Variants in ATF1 observed in about 807,000 individuals in gnomAD.
The protein encoded by ATF1 is cyclic AMP-dependent transcription factor ATF-1.
In ATF1, 16 loss-of-function variants were observed where a neutral mutation model predicts 34.7. The observed-to-expected ratio is 0.46, with a 90% CI of 0.31 to 0.70. The LOEUF is 0.70. Among genes scored for constraint, ATF1 ranks in the 30% least tolerant of loss-of-function variants. The probability of loss-of-function intolerance (pLI) is 0.05; values close to 1 mark genes in which losing one functional copy is unlikely to be tolerated. For missense variants in ATF1, 255 were observed against 321.6 expected (o/e 0.79, Z 1.58); for synonymous variants, 105 against 113.1 (o/e 0.93, Z 0.46).
At chr12:50,809,667 AC>A (rs1426100956) in intron 4 of ATF1, 78 bp downstream of exon 4, 2 of 1,405,204 alleles carry the variant, frequency 1.4e-6, no homozygotes, top group Admixed American at 2.1e-5. Context: ...TGTTAGGAAA[AC>A]TGTAATACTT....
intron 3 of ATF1, among the ~76,000 whole-genome samples, chr12:50,796,565 G>T (rs1458733105): frequency 6.6e-6 from 1 of 152,076 alleles, no homozygotes; most frequent in Admixed American, 6.6e-5. Flanking sequence ...GCCGGGTGTG[G>T]TAGTGCACAC....
At chr12:50,776,174 T>C (rs1246823233) in intron 1 of ATF1, among the ~76,000 whole-genome samples, 1 of 151,244 alleles carries the variant, frequency 6.6e-6, no homozygotes, top group Non-Finnish European at 1.5e-5. Flanking sequence ...TAGCTGGGCA[T>C]GGTGGCGGGC....
chr12:50,794,869 T>A (rs1941379729), intron 2 of ATF1, among the ~76,000 whole-genome samples: 1 of 151,546 alleles, frequency 6.6e-6, no homozygotes, highest in Admixed American at 6.6e-5. Flanking sequence ...CAGTGAGCTG[T>A]CATTGCACCA....
At chr12:50,764,086 GT>G (rs1341513385), upstream of ATF1, 2 of 148,584 alleles carry the variant, frequency 1.3e-5, no homozygotes, top group African/African-American at 5.0e-5. Flanking sequence ...CCAGGCTTGT[GT>G]AGATCATGCC....
At chr12:50,776,419 G>A (rs1397919184) in intron 1 of ATF1, among the ~76,000 whole-genome samples, 2 of 148,790 alleles carry the variant, frequency 1.3e-5, no homozygotes, top group African/African-American at 4.9e-5. Context: ...CTTGAGCCCA[G>A]TAGATTGAGA....
At chr12:50,766,511 C>CT (rs111298206) in intron 1 of ATF1, among the ~76,000 whole-genome samples, 41 of 143,400 alleles carry the variant, frequency 2.9e-4, no homozygotes, top group South Asian at 4.5e-4. Context: ...AAAGGGGAGT[C>CT]TTTTTTTTTT....
At chr12:50,791,877 A>G (rs191345364) in intron 2 of ATF1, among the ~76,000 whole-genome samples, 19 of 152,340 alleles carry the variant, frequency 1.2e-4, no homozygotes, top group African/African-American at 4.3e-4. Context: ...CAACAGAAAT[A>G]AATTACAATT....
At chr12:50,805,044 C>G (rs1941587636) in intron 3 of ATF1, among the ~76,000 whole-genome samples, 1 of 151,904 alleles carries the variant, frequency 6.6e-6, no homozygotes, top group African/African-American at 2.4e-5. Context: ...AGCTCCTGTT[C>G]TTGTGATCTG....
chr12:50,817,978 G>T (rs1208033314), intron 6 of ATF1, among the ~76,000 whole-genome samples: 3 of 144,330 alleles, frequency 2.1e-5, no homozygotes, highest in African/African-American at 5.4e-5. Flanking sequence ...AAATACTCTG[G>T]AGGACATTCT....
chr12:50,790,333 T>A (rs1941276594), intron 2 of ATF1, among the ~76,000 whole-genome samples: 1 of 151,122 alleles, frequency 6.6e-6, no homozygotes, highest in Non-Finnish European at 1.5e-5. Flanking sequence ...GCCTCCCACA[T>A]AGCTGTGACG....
At chr12:50,811,543 A>AGAGGCT (rs1299627328) in intron 4 of ATF1, among the ~76,000 whole-genome samples, 3 of 149,698 alleles carry the variant, frequency 2.0e-5, no homozygotes, top group Middle Eastern at 3.4e-3. Context: ...CAGTACGTTG[A>AGAGGCT]GAGGCTGAGG....
At chr12:50,771,597 G>C (rs528272251) in intron 1 of ATF1, among the ~76,000 whole-genome samples, 2 of 151,986 alleles carry the variant, frequency 1.3e-5, no homozygotes, top group African/African-American at 4.8e-5. Context: ...TCTCTTAGAC[G>C]GGGGGAAATG....
intron 1 of ATF1, among the ~76,000 whole-genome samples, chr12:50,768,197 G>T (rs1359585823): frequency 6.6e-6 from 1 of 152,086 alleles, no homozygotes. Context: ...CGTGGCAACA[G>T]TCCAGGTTCA....
intron 3 of ATF1, among the ~76,000 whole-genome samples, chr12:50,804,095 G>T (rs1432776812): frequency 6.6e-6 from 1 of 152,084 alleles, no homozygotes; most frequent in Non-Finnish European, 1.5e-5. Context: ...TTTGGTATGT[G>T]AATTATATCT....
At chr12:50,789,723 C>CAGCCTGGTTGA (rs1941261609) in intron 2 of ATF1, among the ~76,000 whole-genome samples, 1 of 152,064 alleles carries the variant, frequency 6.6e-6, no homozygotes, top group Non-Finnish European at 1.5e-5. Flanking sequence ...CCACTGCACT[C>CAGCCTGGTTGA]CAGCCTGGTT....
At chr12:50,798,184 A>T (rs964803177) in intron 3 of ATF1, among the ~76,000 whole-genome samples, 2 of 152,100 alleles carry the variant, frequency 1.3e-5, no homozygotes, top group African/African-American at 4.8e-5. Context: ...TTAAGTGTAT[A>T]CTTCAGGAAG....
At chr12:50,806,459 G>A (rs1433307919) in intron 3 of ATF1, 8 of 327,088 alleles carry the variant, frequency 2.4e-5, no homozygotes, top group African/African-American at 4.2e-5. Flanking sequence ...ACCACACAGG[G>A]CGGGCTTTGC....
intron 2 of ATF1, among the ~76,000 whole-genome samples, chr12:50,786,528 G>A (rs1941188686): frequency 6.6e-6 from 1 of 152,146 alleles, no homozygotes; most frequent in South Asian, 2.1e-4. Context: ...GGGACACAAG[G>A]GAGACCAGAG....
intron 1 of ATF1, among the ~76,000 whole-genome samples, chr12:50,768,579 A>G (rs930117356): frequency 1.3e-4 from 20 of 152,144 alleles, no homozygotes; most frequent in African/African-American, 4.6e-4. Flanking sequence ...TCTTACAACC[A>G]CTGTTATCAT....
Sources: gnomAD v4.1 joint callset for allele counts (sites outside exome capture counted in the v4.1 genomes callset) on GRCh38, gnomAD v4.1.1 for gene constraint, MANE v1.5 for transcripts, NCBI Gene and HGNC (gene_info 2026-07-23, HGNC 2026-07-21) for gene names.